The following ARNT2 variants were observed in gnomAD, a reference collection of about 807,000 sequenced individuals.
The protein encoded by ARNT2 is aryl hydrocarbon receptor nuclear translocator 2.
A neutral mutation model predicts 91.7 loss-of-function variants in ARNT2; 36 were observed. The ratio of observed to expected loss-of-function variants is 0.39; its 90% CI spans 0.30 to 0.52. ARNT2 has a LOEUF of 0.52. ARNT2 is among the 20% of genes least tolerant of loss of function. The pLI, the probability that ARNT2 is intolerant of heterozygous loss-of-function variation, is 0.72. For synonymous variants in ARNT2, 365 were observed against 347.1 expected (o/e 1.05, Z -0.57); for missense variants, 775 against 939.3 (o/e 0.83, Z 2.29).
chr15:80,544,553 TA>T (rs1287881576), intron 8 of ARNT2, among the ~76,000 whole-genome samples: 2 of 152,190 alleles, frequency 1.3e-5, no homozygotes, highest in Non-Finnish European at 2.9e-5. Context: ...CATTGTGATT[TA>T]AAAAGCAACG....
At position 80,588,916 on chromosome 15, in the gene ARNT2, G is replaced by A. The variant is rs142281110; in HGVS notation, c.1919-2652G>A. 2.8e-3 allele frequency among the ~76,000 whole-genome samples: 432 copies of A among 152,284 alleles called. 1 individual carries two copies. Among genetic ancestry groups the A allele is most frequent in the African/African-American group, 9.9e-3 (413 of 41,562 alleles). ...ACCATGCTATATGCTTGTTGAGAGA[G>A]GAACGATCTTATTCTCCAGTGTGTG... On this transcript the variant is annotated intron_variant, in intron 17 of 18. Coordinates refer to ENST00000303329, the MANE Select transcript of ARNT2 (RefSeq NM_014862.4).
chr15:80,516,030 C>T (rs1897429445), intron 8 of ARNT2, among the ~76,000 whole-genome samples: 2 of 152,054 alleles, frequency 1.3e-5, no homozygotes, highest in Admixed American at 1.3e-4. Context: ...CCACCACACC[C>T]AGCTAATTTT....
intron 14 of ARNT2, among the ~76,000 whole-genome samples, chr15:80,575,638 C>G (rs1011268082): frequency 6.6e-6 from 1 of 152,244 alleles, no homozygotes; most frequent in Non-Finnish European, 1.5e-5. Flanking sequence ...GTGGGTGAGA[C>G]GACTCTGCTC....
At chr15:80,412,741 A>G (rs544511038) in intron 1 of ARNT2, among the ~76,000 whole-genome samples, 51 of 152,270 alleles carry the variant, frequency 3.3e-4, no homozygotes, top group Non-Finnish European at 6.2e-4. Flanking sequence ...ACATCCCCGT[A>G]TATGAATGAA....
intron 11 of ARNT2, chr15:80,555,957 T>A (rs1898177312): frequency 6.6e-6 from 1 of 150,920 alleles, no homozygotes; most frequent in Non-Finnish European, 1.5e-5. Context: ...AGAGTGAGAC[T>A]CTGTCTCACT....
At chr15:80,451,760 C>T (rs1896396314) in intron 2 of ARNT2, among the ~76,000 whole-genome samples, 1 of 152,102 alleles carries the variant, frequency 6.6e-6, no homozygotes, top group Non-Finnish European at 1.5e-5. Flanking sequence ...CAACCAACTA[C>T]CCCCCAACCA....
intron 11 of ARNT2, chr15:80,557,033 T>A (rs1898203658): frequency 2.0e-5 from 3 of 152,214 alleles, no homozygotes; most frequent in South Asian, 4.1e-4. Flanking sequence ...TGAGAAAACA[T>A]GTGCTTGACA....
intron 8 of ARNT2, among the ~76,000 whole-genome samples, chr15:80,540,101 A>G (rs932315931): frequency 6.6e-6 from 1 of 152,226 alleles, no homozygotes; most frequent in Non-Finnish European, 1.5e-5. Flanking sequence ...TGTTCATTGC[A>G]GCACAATTCA....
At chr15:80,470,602 T>C (rs8034855) in intron 4 of ARNT2, among the ~76,000 whole-genome samples, 171 bp downstream of exon 4, 6,401 of 152,318 alleles carry the variant, frequency 0.042, 445 homozygotes, top group African/African-American at 0.14. Context: ...TTGTCTGATC[T>C]TTGGGTCTTC....
chr15:80,513,328 G>A (rs576116868), intron 6 of ARNT2, among the ~76,000 whole-genome samples: 4 of 152,104 alleles, frequency 2.6e-5, no homozygotes, highest in Non-Finnish European at 4.4e-5. Flanking sequence ...CAGAAAGACC[G>A]GATTCTCTAC....
intron 5 of ARNT2, among the ~76,000 whole-genome samples, chr15:80,486,881 C>G (rs77316462): frequency 0.035 from 5,382 of 152,248 alleles, 178 homozygotes; most frequent in East Asian, 0.13. Context: ...GGAGCCCATT[C>G]AGATGTGAAC....
chr15:80,533,260 A>G (rs1897767127), intron 8 of ARNT2, among the ~76,000 whole-genome samples: 1 of 152,236 alleles, frequency 6.6e-6, no homozygotes, highest in Non-Finnish European at 1.5e-5. Context: ...AAAGGGGAGC[A>G]GGGGCAGGTG....
intron 3 of ARNT2, among the ~76,000 whole-genome samples, chr15:80,465,476 G>A (rs1231992878): frequency 6.6e-6 from 1 of 152,174 alleles, no homozygotes; most frequent in Non-Finnish European, 1.5e-5. Context: ...ATGTGGTCCT[G>A]GTGCCATCTG....
chr15:80,424,490 G>C (rs1287788943), intron 1 of ARNT2, among the ~76,000 whole-genome samples: 2 of 152,174 alleles, frequency 1.3e-5, no homozygotes, highest in African/African-American at 4.8e-5. Flanking sequence ...GGCAAAGTCA[G>C]GTCCCTCCTT....
intron 8 of ARNT2, among the ~76,000 whole-genome samples, chr15:80,550,005 T>C (rs1898054941): frequency 6.6e-6 from 1 of 152,202 alleles, no homozygotes; most frequent in South Asian, 2.1e-4. Flanking sequence ...TGAAGCAGTG[T>C]GCAGTTATAA....
At chr15:80,487,042 T>C (rs1246304336) in intron 5 of ARNT2, among the ~76,000 whole-genome samples, 2 of 152,152 alleles carry the variant, frequency 1.3e-5, no homozygotes, top group African/African-American at 4.8e-5. Context: ...AGAGCAGCAC[T>C]TCCCCCTCTT....
chr15:80,476,391 A>G (rs188934192), intron 5 of ARNT2, among the ~76,000 whole-genome samples: 29 of 152,368 alleles, frequency 1.9e-4, no homozygotes, highest in African/African-American at 7.0e-4. Context: ...AGATAAGCAA[A>G]CACAACATTC....
In ARNT2 at chr15:80,470,306, G is replaced by A. The variant is rs1377714549; in HGVS notation, c.283G>A (p.Ala95Thr). 12 of 1,614,038 alleles carry A rather than the reference G, an allele frequency of 7.4e-6. No homozygotes were observed. Among genetic ancestry groups the A allele is most frequent in the Admixed American group, 3.3e-5 (2 of 59,992 alleles). Residue 95 changes from alanine (A) to threonine (T), a missense_variant, in exon 4 of 19, where the codon GCA becomes ACA. Transcript: ENST00000303329. ...ELSDMVPTCS[A>T]LARKPDKLTI... is the part of the protein sequence containing the mutation. ...CTCCGACATGGTCCCCACATGCAGC[G>A]CACTGGCTCGGAAGCCAGACAAGCT...
At chr15:80,420,354 G>A (rs1679677982) in intron 1 of ARNT2, among the ~76,000 whole-genome samples, 1 of 152,102 alleles carries the variant, frequency 6.6e-6, no homozygotes, top group African/African-American at 2.4e-5. Flanking sequence ...CAAGATGCCA[G>A]GCCAGATCAT....
Sources: allele counts gnomAD v4.1 joint callset (sites outside exome capture counted in the v4.1 genomes callset), GRCh38; gene constraint gnomAD v4.1.1; transcripts MANE v1.5; gene names NCBI Gene and HGNC (gene_info 2026-07-23, HGNC 2026-07-21).